The following DNAJB2 variants were observed in gnomAD, a reference collection of about 807,000 sequenced individuals.
The protein encoded by DNAJB2 is dnaJ homolog subfamily B member 2.
A neutral mutation model predicts 33.3 loss-of-function variants in DNAJB2; 19 were observed. The observed-to-expected ratio is 0.57, with a 90% CI of 0.40 to 0.84. The LOEUF (loss-of-function observed/expected upper bound fraction) is 0.84, where lower values mean the gene tolerates loss of function less well. Ranked by LOEUF, DNAJB2 falls within the 40% of genes least tolerant of loss-of-function variation. DNAJB2 has a pLI of 0.00. For missense variants in DNAJB2, 368 were observed against 430.9 expected (o/e 0.85, Z 1.29); for synonymous variants, 172 against 164.6 (o/e 1.04, Z -0.34).
chr2:219,280,865 G>C, intron 3 of DNAJB2, 178 bp downstream of exon 3: 1 of 595,968 alleles, frequency 1.7e-6, no homozygotes. Context: ...AGTCTGGTAG[G>C]AGTGGCTGGC....
chr2:219,282,165 A>G (rs1245890732), intron 5 of DNAJB2, 104 bp downstream of exon 5: 1 of 1,594,984 alleles, frequency 6.3e-7, no homozygotes. Flanking sequence ...GGGGACGGGA[A>G]TGCCACGGAC....
chr2:219,284,652 C>T lies in DNAJB2; in HGVS notation c.640C>T (p.Leu214=), dbSNP rs778090921. The change falls in exon 9 of 9, where the codon CTG becomes TTG. Residue 214 remains leucine (L), a synonymous_variant. Transcript: ENST00000336576. Reference sequence around the variant, plus strand: ...TGCAGGTGTCCCAGATGACCTGGCACTGGGCTTGGAGCTGAGCCGTCGCGA... The same window carrying T: ...TGCAGGTGTCCCAGATGACCTGGCATTGGGCTTGGAGCTGAGCCGTCGCGA... The part of the protein sequence containing the change: ...TINGVPDDLA[L]GLELSRREQQ... 2 of 1,594,270 alleles carry T rather than the reference C, an allele frequency of 1.3e-6. No homozygotes were observed. Among genetic ancestry groups the T allele is most frequent in the Admixed American group, 1.7e-5 (1 of 59,334 alleles).
In DNAJB2 at chr2:219,284,870, G is replaced by T. The variant is rs1391843656; in HGVS notation, c.858G>T (p.Arg286=). Residue 286 remains arginine (R), a synonymous_variant, in exon 9 of 9, where the codon CGG becomes CGT. Transcript: ENST00000336576. ...GREAQHRRQG[R]PKAQHQDPGL... ...AGGCACAGCACCGACGGCAGGGGCG[G>T]CCCAAGGCCCAGCACCAAGATCCAG... 3 of 1,608,874 alleles carry T rather than the reference G, an allele frequency of 1.9e-6. No individual in the cohort carries two copies. Among genetic ancestry groups the T allele is most frequent in the Non-Finnish European group, 2.5e-6 (3 of 1,177,214 alleles).
chr2:219,286,135 CGGGTGGG>C lies in DNAJB2; in HGVS notation c.*1149_*1155del. On this transcript the variant is annotated 3_prime_UTR_variant, in exon 9 of 9. Coordinates refer to ENST00000336576, the MANE Select transcript of DNAJB2 (RefSeq NM_006736.6). ...CGGGGCCTGGGTGGCGGGTGGGGGC[CGGGTGGG>C]AGGTGGCAGTAGTCTTAGCCTGTGC... The C allele has an allele frequency of 6.9e-5, 2 of 28,992 alleles. No individual in the cohort carries two copies. Among genetic ancestry groups the C allele is most frequent in the Non-Finnish European group, 7.2e-5 (1 of 13,808 alleles). 1.8% of individuals were successfully genotyped at this position (28,992 alleles called of 1,614,324 possible).
chr2:219,284,886 C>A lies in DNAJB2; in HGVS notation c.874C>A (p.Gln292Lys), dbSNP rs766663177. 3.7e-6 allele frequency: 6 copies of A among 1,606,720 alleles called. No homozygotes were observed. Among genetic ancestry groups the A allele is most frequent in the Non-Finnish European group, 5.1e-6 (6 of 1,175,302 alleles). Residue 292 changes from glutamine to lysine, a missense_variant, in exon 9 of 9, where the codon CAA becomes AAA. Gln to Lys is a moderately conservative substitution (Grantham distance 53). Transcript: ENST00000336576. ...RRQGRPKAQH[Q>K]DPGLGGTQEG... ...GCAGGGGCGGCCCAAGGCCCAGCAC[C>A]AAGATCCAGGCTTGGGGGGGACCCA...
chr2:219,286,053 C>T lies in DNAJB2; in HGVS notation c.*1066C>T. 6.2e-7 allele frequency: 1 copy of T among 1,603,658 alleles called. No homozygotes were observed. Among genetic ancestry groups the T allele is most frequent in the Non-Finnish European group, 8.5e-7 (1 of 1,175,054 alleles). On this transcript the variant is annotated 3_prime_UTR_variant, in exon 9 of 9. Transcript: ENST00000336576. ...AGTTCCAACAGGACAGCGCCTTCCC[C>T]CATGCGCTGGGAGGGGACCCTCCAT...
At position 219,282,888 on chromosome 2, in the gene DNAJB2, G is replaced by T. The variant is rs777545120; in HGVS notation, c.404G>T (p.Gly135Val). ...ELQNRGSRHSGPFFTFSSSFP... is the reference protein window; with the variant it reads ...ELQNRGSRHSVPFFTFSSSFP... ...CAGAACCGGGGTTCCCGACACTCAG[G>T]CCCCTTCTTTACCTTCTCTTCCTCC... Residue 135 changes from glycine (G) to valine (V), a missense_variant, in exon 6 of 9, where the codon GGC (glycine) becomes GTC (valine). Physicochemically the swap from Gly to Val is moderately radical, Grantham distance 109 (BLOSUM62 -3). Coordinates refer to ENST00000336576, the MANE Select transcript of DNAJB2 (RefSeq NM_006736.6). 2 of 1,607,132 alleles carry T rather than the reference G, an allele frequency of 1.2e-6. No homozygotes were observed. Among genetic ancestry groups the T allele is most frequent in the Non-Finnish European group, 1.7e-6 (2 of 1,177,658 alleles).
At chr2:219,282,119 C>T in intron 5 of DNAJB2, 58 bp downstream of exon 5, 1 of 1,613,702 alleles carries the variant, frequency 6.2e-7, no homozygotes, top group East Asian at 2.2e-5. Flanking sequence ...GCCTGTCCTT[C>T]CATCAGCTGG....
At position 219,282,048 on chromosome 2, in the gene DNAJB2, T is replaced by C. The variant is rs2125082425; in HGVS notation, c.339T>C (p.Phe113=). 1 of 1,614,168 alleles carries C rather than the reference T, an allele frequency of 6.2e-7. No individual in the cohort carries two copies. Among genetic ancestry groups the C allele is most frequent in the Non-Finnish European group, 8.5e-7 (1 of 1,180,028 alleles). Residue 113 remains phenylalanine, a synonymous_variant, in exon 5 of 9, where the codon TTT becomes TTC. Transcript: ENST00000336576. ...AATTCTTTGGGAGTGGAGACCCTTT[T>C]GCAGAGCTCTTTGGTGAGTGGACTC... ...FREFFGSGDP[F]AELFDDLGPF...
In DNAJB2 at chr2:219,286,370, T is replaced by G; in HGVS notation, c.*1383T>G. Reference sequence around the variant, plus strand: ...GATTTTGTCTTTTGATTTATCCCTGTAGGGCTGGCAGGGTTGTAGATGAAG... The same window carrying G: ...GATTTTGTCTTTTGATTTATCCCTGGAGGGCTGGCAGGGTTGTAGATGAAG... On this transcript the variant is annotated 3_prime_UTR_variant, in exon 9 of 9. Coordinates refer to ENST00000336576, the MANE Select transcript of DNAJB2 (RefSeq NM_006736.6). 4.3e-6 allele frequency: 1 copy of G among 233,852 alleles called. No individual in the cohort carries two copies. Among genetic ancestry groups the G allele is most frequent in the Non-Finnish European group, 8.7e-6 (1 of 115,380 alleles). The allele number at this position is 233,852 out of a possible 1,614,324, so 14.5% of individuals were successfully genotyped here.
At chr2:219,280,117 CTG>C (rs1951891008) in intron 2 of DNAJB2, 3 of 589,442 alleles carry the variant, frequency 5.1e-6, no homozygotes, top group African/African-American at 1.9e-5. Context: ...GGGAGCTGCA[CTG>C]TGTTATGGGT....
Position 219,279,950 on chromosome 2 carries a change from C to T in DNAJB2, c.65+52C>T. ...ACCTCTCACCCTCCACCCGCCACCA[C>T]CATGGGGCACTTCAGAGTGACACCT... On this transcript the variant is annotated intron_variant, in intron 2 of 8. Transcript: ENST00000336576. This position sits in a 1 kb window ranked among gnomAD's most constrained non-coding sequence, Gnocchi z 4.9. The T allele has an allele frequency of 6.3e-7, 1 of 1,599,550 alleles. No homozygotes were observed. The highest frequency in any genetic ancestry group is 8.6e-7 in the Non-Finnish European group (1 of 1,168,636).
chr2:219,284,143 G>T (rs147041018), intron 8 of DNAJB2, among the ~76,000 whole-genome samples: 1 of 152,128 alleles, frequency 6.6e-6, no homozygotes, highest in Non-Finnish European at 1.5e-5. Flanking sequence ...AGCCCAGCAC[G>T]ATTATGGCTC....
At chr2:219,284,281 A>G (rs555040917) in intron 8 of DNAJB2, among the ~76,000 whole-genome samples, 14 of 151,954 alleles carry the variant, frequency 9.2e-5, no homozygotes, top group South Asian at 4.2e-4. Flanking sequence ...GGGTCTCACT[A>G]TGTTGCCTAG....
In DNAJB2 at chr2:219,286,225, G is replaced by A. The variant is rs1008780120; in HGVS notation, c.*1238G>A. On this transcript the variant is annotated 3_prime_UTR_variant, in exon 9 of 9. Transcript: ENST00000336576. ...TGGGGACTACAAATCCCAGAGTGCG[G>A]TGTGCCCGGCCTCATTTCTGATAGA... is the stretch of plus-strand genomic sequence containing the variant. The A allele has an allele frequency of 3.6e-6, 2 of 553,604 alleles. No homozygotes were observed. Among genetic ancestry groups the A allele is most frequent in the Admixed American group, 3.0e-5 (1 of 32,946 alleles). 34.3% of individuals were successfully genotyped at this position (553,604 alleles called of 1,614,324 possible).
Position 219,279,723 on chromosome 2 carries a change from A to C in DNAJB2, c.-36-75A>C. The C allele has an allele frequency of 6.9e-5, 82 of 1,185,010 alleles. No homozygotes were observed. Among genetic ancestry groups the C allele is most frequent in the Non-Finnish European group, 8.6e-5 (72 of 833,112 alleles). The allele number at this position is 1,185,010 out of a possible 1,614,324, so 73.4% of individuals were successfully genotyped here. On this transcript the variant is annotated intron_variant, in intron 1 of 8. Coordinates refer to ENST00000336576, the MANE Select transcript of DNAJB2 (RefSeq NM_006736.6). The surrounding 1 kb of genome is among the most constrained non-coding windows in gnomAD (Gnocchi z 4.9). ...CTTCCAACTGGGAGCGCCTTCCGCC[A>C]CCCGGGGAGGGGGACTGCTGCAGCC...
intron 3 of DNAJB2, 109 bp from the exon 4 acceptor site, chr2:219,281,609 C>T: frequency 3.4e-6 from 5 of 1,481,522 alleles, no homozygotes; most frequent in South Asian, 1.2e-5. Context: ...GCCTGCTTTC[C>T]CCCGCCAAGT....
Position 219,280,594 on chromosome 2 carries a change from C to T in DNAJB2, c.82C>T (p.Leu28Phe). The change falls in exon 3 of 9, where the codon CTC (leucine) becomes TTC (phenylalanine). Residue 28 changes from leucine to phenylalanine, a missense_variant. By Grantham distance (22) the Leu-to-Phe change is conservative (BLOSUM62 0). Transcript: ENST00000336576. ...DIKKAYRRKALQWHPDKNPDN... is the reference protein window; with the variant it reads ...DIKKAYRRKAFQWHPDKNPDN... ...TTTCTGCAGGTATCGGCGCAAGGCTCTCCAGTGGCACCCAGACAAAAACCC... is the reference window on the plus strand; with the variant it reads ...TTTCTGCAGGTATCGGCGCAAGGCTTTCCAGTGGCACCCAGACAAAAACCC... The T allele has an allele frequency of 1.2e-6, 2 of 1,614,096 alleles. No individual in the cohort carries two copies. Among genetic ancestry groups the T allele is most frequent in the South Asian group, 1.1e-5 (1 of 91,084 alleles).
chr2:219,282,853 C>T lies in DNAJB2; in HGVS notation c.369C>T (p.Phe123=), dbSNP rs141820460. 6.3e-6 allele frequency: 10 copies of T among 1,596,246 alleles called. No homozygotes were observed. The African/African-American group carries it at 1.2e-4, about 19-fold the overall frequency. The part of the protein sequence containing the change: ...FAELFDDLGP[F]SELQNRGSRH... ...TTGTTGCAGATGACCTGGGCCCCTT[C>T]TCAGAGCTTCAGAACCGGGGTTCCC... is the stretch of plus-strand genomic sequence containing the variant. The change falls in exon 6 of 9, where the codon TTC becomes TTT. Residue 123 remains phenylalanine (F), a synonymous_variant. Coordinates refer to ENST00000336576, the MANE Select transcript of DNAJB2 (RefSeq NM_006736.6).
Sources: allele counts gnomAD v4.1 joint callset (sites outside exome capture counted in the v4.1 genomes callset), GRCh38; gene constraint gnomAD v4.1.1; non-coding constraint Gnocchi (gnomAD v3.1); transcripts MANE v1.5; gene names NCBI Gene and HGNC (gene_info 2026-07-23, HGNC 2026-07-21).